Variants in ULK4 observed in about 807,000 individuals in gnomAD.
The protein encoded by ULK4 is inactive serine/threonine-protein kinase ULK4.
Under a neutral mutation model 160.6 loss-of-function variants are expected in ULK4, and 133 were observed. The ratio of observed to expected loss-of-function variants is 0.83; its 90% CI spans 0.72 to 0.96. The LOEUF is 0.96. ULK4 is among the 40% of genes least tolerant of loss of function. The pLI, the probability that ULK4 is intolerant of heterozygous loss-of-function variation, is 0.00. For missense variants in ULK4, 1,580 were observed against 1,499.5 expected (o/e 1.05, Z -0.89); for synonymous variants, 534 against 539.8 (o/e 0.99, Z 0.15).
intron 18 of ULK4, among the ~76,000 whole-genome samples, chr3:41,828,470 T>C (rs1382309433): frequency 7.1e-6 from 1 of 140,452 alleles, no homozygotes; most frequent in Admixed American, 6.9e-5. Flanking sequence ...ACAAAATCAA[T>C]GTACAAAAAT....
intron 5 of ULK4, among the ~76,000 whole-genome samples, chr3:41,925,457 C>T (rs1699347178): frequency 6.6e-6 from 1 of 152,216 alleles, no homozygotes; most frequent in South Asian, 2.1e-4. Context: ...CACTGGGTTT[C>T]AAGCACAAAA....
intron 18 of ULK4, among the ~76,000 whole-genome samples, chr3:41,835,599 C>G (rs1253283327): frequency 6.6e-6 from 1 of 152,046 alleles, no homozygotes. Context: ...ACTTTCAGTC[C>G]ATTGACTTTA....
chr3:41,283,599 A>G (rs1469035502), intron 35 of ULK4, among the ~76,000 whole-genome samples: 1 of 152,188 alleles, frequency 6.6e-6, no homozygotes, highest in Admixed American at 6.5e-5. Flanking sequence ...GAACAATGAG[A>G]ACACATGGAC....
chr3:41,930,832 A>C (rs948046074), intron 5 of ULK4, among the ~76,000 whole-genome samples: 1 of 152,220 alleles, frequency 6.6e-6, no homozygotes, highest in African/African-American at 2.4e-5. Flanking sequence ...TTAAAAAGTC[A>C]AGAAACAAAA....
chr3:41,825,376 G>A (rs1381372351), intron 18 of ULK4, among the ~76,000 whole-genome samples: 2 of 152,156 alleles, frequency 1.3e-5, no homozygotes, highest in Admixed American at 1.3e-4. Flanking sequence ...GCTAAATGAG[G>A]AAGTTCGAAC....
chr3:41,917,474 A>G (rs1214755068), intron 7 of ULK4, among the ~76,000 whole-genome samples: 1 of 152,056 alleles, frequency 6.6e-6, no homozygotes, highest in Non-Finnish European at 1.5e-5. Flanking sequence ...AAATATATAT[A>G]TATGTATATA....
intron 34 of ULK4, among the ~76,000 whole-genome samples, chr3:41,454,655 T>C (rs1010029130): frequency 6.6e-6 from 1 of 151,918 alleles, no homozygotes; most frequent in African/African-American, 2.4e-5. Context: ...GACTGGGACG[T>C]TTTGTAGACA....
At chr3:41,293,498 G>T (rs535181862) in intron 35 of ULK4, among the ~76,000 whole-genome samples, 237 of 152,242 alleles carry the variant, frequency 1.6e-3, no homozygotes, top group East Asian at 1.4e-3. Context: ...ATCAAATGGA[G>T]AACTAAATTC....
chr3:41,885,479 T>C (rs140679488), intron 16 of ULK4, among the ~76,000 whole-genome samples: 7 of 152,270 alleles, frequency 4.6e-5, no homozygotes, highest in African/African-American at 1.2e-4. Context: ...CAGGTCACCA[T>C]TTCAGGTGCC....
chr3:41,833,479 G>A (rs1364134878), intron 18 of ULK4, among the ~76,000 whole-genome samples: 1 of 151,924 alleles, frequency 6.6e-6, no homozygotes, highest in Non-Finnish European at 1.5e-5. Flanking sequence ...TGTATTTTTA[G>A]TAGAGACGGG....
chr3:41,732,420 C>G (rs1029408032), intron 22 of ULK4, among the ~76,000 whole-genome samples: 1 of 152,054 alleles, frequency 6.6e-6, no homozygotes, highest in Admixed American at 6.5e-5. Context: ...GAGGTATCAC[C>G]TCACCCCAGT....
chr3:41,745,397 A>T (rs914750831), intron 22 of ULK4, among the ~76,000 whole-genome samples: 2 of 151,716 alleles, frequency 1.3e-5, no homozygotes, highest in Non-Finnish European at 2.9e-5. Context: ...TAACACAATA[A>T]TTTTTAAAAA....
chr3:41,679,699 C>T (rs544492793), intron 29 of ULK4, among the ~76,000 whole-genome samples: 3 of 152,290 alleles, frequency 2.0e-5, no homozygotes, highest in South Asian at 4.1e-4. Context: ...ACTGGGCAGA[C>T]TTCAGATATA....
chr3:41,427,825 G>A (rs540300757), intron 34 of ULK4, among the ~76,000 whole-genome samples: 2 of 151,404 alleles, frequency 1.3e-5, no homozygotes, highest in African/African-American at 4.9e-5. Flanking sequence ...TACTAAATGG[G>A]CAAAAGCTGG....
chr3:41,433,832 G>A (rs377013779), intron 34 of ULK4, among the ~76,000 whole-genome samples: 1 of 152,138 alleles, frequency 6.6e-6, no homozygotes, highest in Non-Finnish European at 1.5e-5. Context: ...CCGTTCTCCT[G>A]CCTCAGCCTC....
chr3:41,491,628 T>A (rs1302025801), intron 32 of ULK4, among the ~76,000 whole-genome samples: 1 of 152,124 alleles, frequency 6.6e-6, no homozygotes, highest in African/African-American at 2.4e-5. Flanking sequence ...ACACGGTACA[T>A]TCCAGGTGGC....
At chr3:41,268,523 C>T (rs1436477153) in intron 35 of ULK4, among the ~76,000 whole-genome samples, 2 of 152,070 alleles carry the variant, frequency 1.3e-5, no homozygotes, top group Non-Finnish European at 2.9e-5. Context: ...GCCTCACACT[C>T]GGCAGGGCAT....
intron 35 of ULK4, among the ~76,000 whole-genome samples, chr3:41,252,806 A>AC (rs1440113507): frequency 2.6e-5 from 4 of 152,122 alleles, no homozygotes; most frequent in Non-Finnish European, 4.4e-5. Context: ...GATTCAAGAA[A>AC]CAGTAAATCC....
chr3:41,662,628 T>C (rs1300805071), intron 30 of ULK4, among the ~76,000 whole-genome samples: 1 of 152,202 alleles, frequency 6.6e-6, no homozygotes, highest in Non-Finnish European at 1.5e-5. Flanking sequence ...CTATGTGATT[T>C]AGTTATTTGC....
Sources: gnomAD v4.1 joint callset for allele counts (sites outside exome capture counted in the v4.1 genomes callset) on GRCh38, gnomAD v4.1.1 for gene constraint, MANE v1.5 for transcripts, NCBI Gene and HGNC (gene_info 2026-07-23, HGNC 2026-07-21) for gene names.